RETREG1: variants seen among roughly 807,000 people sequenced by gnomAD.
The protein encoded by RETREG1 is family with sequence similarity 134 member B.
Under a neutral mutation model 54.8 loss-of-function variants are expected in RETREG1, and 44 were observed. The ratio of observed to expected loss-of-function variants is 0.80; its 90% CI spans 0.63 to 1.03. The LOEUF (loss-of-function observed/expected upper bound fraction) is 1.03. Ranked by LOEUF, RETREG1 falls within the 50% of genes least tolerant of loss-of-function variation. The pLI, the probability that RETREG1 is intolerant of heterozygous loss-of-function variation, is 0.00. For missense variants in RETREG1, 554 were observed against 605.1 expected (o/e 0.92, Z 0.89); for synonymous variants, 217 against 238.5 (o/e 0.91, Z 0.83).
rs1378689804 is a variant in RETREG1 at position 16,561,050 on chromosome 5, C to T, written c.458+4713G>A. On this transcript the variant is annotated intron_variant, in intron 3 of 8. Transcript: ENST00000306320. This position sits in a 1 kb window ranked among gnomAD's most constrained non-coding sequence, Gnocchi z 4.2. ...GCTGTATGGGGTACTTGCAACAGTT[C>T]ACTTGTACCTCCCATTAACCAGATG... Among the ~76,000 whole-genome samples the T allele has an allele frequency of 6.6e-6, 1 of 152,132 alleles. No individual in the cohort carries two copies. Among genetic ancestry groups the T allele is most frequent in the Non-Finnish European group, 1.5e-5 (1 of 68,036 alleles).
At chr5:16,499,662 A>G (rs1739621259) in intron 3 of RETREG1, among the ~76,000 whole-genome samples, 1 of 152,186 alleles carries the variant, frequency 6.6e-6, no homozygotes, top group African/African-American at 2.4e-5. Flanking sequence ...GCCATTCCTG[A>G]TGGTAATTAC....
intron 3 of RETREG1, among the ~76,000 whole-genome samples, chr5:16,540,522 G>A (rs942607940): frequency 1.3e-5 from 2 of 152,180 alleles, no homozygotes; most frequent in African/African-American, 4.8e-5. Context: ...ACATACCAGT[G>A]AATGATTCAC....
intron 2 of RETREG1, among the ~76,000 whole-genome samples, chr5:16,566,283 T>A (rs1742011068): frequency 6.6e-6 from 1 of 152,166 alleles, no homozygotes; most frequent in South Asian, 2.1e-4. Context: ...ACAACTGTTA[T>A]TTGAAAAAAG....
At chr5:16,556,623 GA>G (rs1239490116) in intron 3 of RETREG1, among the ~76,000 whole-genome samples, 1 of 152,062 alleles carries the variant, frequency 6.6e-6, no homozygotes, top group Non-Finnish European at 1.5e-5. Context: ...AGGGAGTTCT[GA>G]GTATTACATC....
chr5:16,508,552 A>C, intron 3 of RETREG1: 1 of 1,597,802 alleles, frequency 6.3e-7, no homozygotes, highest in Non-Finnish European at 8.6e-7. Flanking sequence ...CTGAAGAATA[A>C]GTACGTACGT....
intron 3 of RETREG1, among the ~76,000 whole-genome samples, chr5:16,564,607 C>T (rs1741957510): frequency 6.6e-6 from 1 of 152,208 alleles, no homozygotes; most frequent in African/African-American, 2.4e-5. Flanking sequence ...CAGGGCAAGA[C>T]AAATGCCTAC....
intron 3 of RETREG1, among the ~76,000 whole-genome samples, chr5:16,512,043 G>C (rs1458420927): frequency 6.6e-6 from 1 of 152,098 alleles, no homozygotes; most frequent in Non-Finnish European, 1.5e-5. Context: ...CTACACAATC[G>C]ACAAGTGTCC....
chr5:16,545,344 A>G (rs1375363924), intron 3 of RETREG1, among the ~76,000 whole-genome samples: 2 of 152,156 alleles, frequency 1.3e-5, no homozygotes, highest in Admixed American at 6.5e-5. Flanking sequence ...GGGATATGGT[A>G]GAATGCTGAG....
At chr5:16,477,536 A>T in intron 8 of RETREG1, 126 bp downstream of exon 8, 5 of 922,164 alleles carry the variant, frequency 5.4e-6, no homozygotes, top group Non-Finnish European at 8.4e-6. Context: ...TCATTTTTAT[A>T]GCCAAGTAAT....
chr5:16,557,551 T>A (rs1487601405), intron 3 of RETREG1, among the ~76,000 whole-genome samples: 1 of 152,234 alleles, frequency 6.6e-6, no homozygotes, highest in Non-Finnish European at 1.5e-5. Flanking sequence ...TGTCAGTCAA[T>A]GAATGGATCT....
At chr5:16,517,288 C>T (rs1740391599) in intron 3 of RETREG1, among the ~76,000 whole-genome samples, 1 of 152,164 alleles carries the variant, frequency 6.6e-6, no homozygotes, top group Non-Finnish European at 1.5e-5. Flanking sequence ...GACCTGAACA[C>T]TCTTGAAGCA....
Position 16,516,587 on chromosome 5 carries a change from C to T in RETREG1, c.459-33115G>A, listed in dbSNP as rs139414184. Among the ~76,000 whole-genome samples, 63 of 152,230 alleles carry T rather than the reference C, an allele frequency of 4.1e-4. No individual in the cohort carries two copies. The East Asian group carries it at 0.011, about 27-fold the overall frequency. ...TGGTACAAGTGAAGTCTGAGAATTG[C>T]GGGGTAAATTATCACCTTGAAGCCA... On this transcript the variant is annotated intron_variant, in intron 3 of 8. Transcript: ENST00000306320.
chr5:16,608,714 A>G (rs1458761698), intron 1 of RETREG1, among the ~76,000 whole-genome samples: 1 of 152,094 alleles, frequency 6.6e-6, no homozygotes, highest in Non-Finnish European at 1.5e-5. Flanking sequence ...CTGGGTAGGG[A>G]GCAGACACTC....
Position 16,477,754 on chromosome 5 carries a change from A to T in RETREG1, c.908T>A (p.Val303Glu). 1 of 1,613,454 alleles carries T rather than the reference A, an allele frequency of 6.2e-7. No individual in the cohort carries two copies. Among genetic ancestry groups the T allele is most frequent in the Non-Finnish European group, 8.5e-7 (1 of 1,179,558 alleles). ...SLTVAAKELS[V>E]SDTDVSEVSW... is the part of the protein sequence containing the mutation. ...TACCTCTGAGACGTCTGTGTCAGAC[A>T]CAGATAACTCTTTGGCAGCAACCGT... The change falls in exon 8 of 9, where the codon GTG becomes GAG. Residue 303 changes from valine (V) to glutamate (E), a missense_variant. Physicochemically the swap from Val to Glu is moderately radical, Grantham distance 121. Transcript: ENST00000306320.
intron 1 of RETREG1, among the ~76,000 whole-genome samples, chr5:16,604,746 G>C (rs1225862721): frequency 1.3e-5 from 2 of 152,166 alleles, no homozygotes; most frequent in East Asian, 1.9e-4. Context: ...TTTCACTTAG[G>C]TATTGCCTTT....
rs1304876494 is a variant in RETREG1, at chr5:16,593,860, C to T, written c.321-21758G>A. On this transcript the variant is annotated intron_variant, in intron 1 of 8. Coordinates refer to ENST00000306320, the MANE Select transcript of RETREG1 (RefSeq NM_001034850.3). This position sits in a 1 kb window ranked among gnomAD's most constrained non-coding sequence, Gnocchi z 4.9. ...AGAGGAGCTGCAGCAGATGCACCTC[C>T]GTCAAATCTAAGCAGCCATGTTTAC... Among the ~76,000 whole-genome samples the T allele has an allele frequency of 2.6e-5, 4 of 152,196 alleles. No individual in the cohort carries two copies. Among genetic ancestry groups the T allele is most frequent in the South Asian group, 2.1e-4 (1 of 4,832 alleles).
At chr5:16,478,810 T>G in intron 6 of RETREG1, 40 bp downstream of exon 6, 4 of 1,589,808 alleles carry the variant, frequency 2.5e-6, no homozygotes, top group Non-Finnish European at 3.4e-6. Context: ...CGCTAATGTC[T>G]CATTTCATGC....
At chr5:16,587,240 A>G (rs569968654) in intron 1 of RETREG1, among the ~76,000 whole-genome samples, 128 of 152,352 alleles carry the variant, frequency 8.4e-4, no homozygotes, top group African/African-American at 2.9e-3. Flanking sequence ...CACTACAGAA[A>G]AAAAGTTGAT....
At position 16,545,062 on chromosome 5, in the gene RETREG1, C is replaced by G. The variant is rs576584011; in HGVS notation, c.458+20701G>C. ...AGGCTTCAAATCAATTAAAAATAAGCTTTGAATAACAGCAAAGCAACACAT... is the reference window on the plus strand; with the variant it reads ...AGGCTTCAAATCAATTAAAAATAAGGTTTGAATAACAGCAAAGCAACACAT... On this transcript the variant is annotated intron_variant, in intron 3 of 8. Coordinates refer to ENST00000306320, the MANE Select transcript of RETREG1 (RefSeq NM_001034850.3). Among the ~76,000 whole-genome samples the G allele has an allele frequency of 6.6e-5, 10 of 152,220 alleles. No homozygotes were observed. In the East Asian group the frequency reaches 1.9e-3, roughly 29 times the overall value.
Sources: allele counts gnomAD v4.1 joint callset (sites outside exome capture counted in the v4.1 genomes callset), GRCh38; gene constraint gnomAD v4.1.1; non-coding constraint Gnocchi (gnomAD v3.1); transcripts MANE v1.5; gene names NCBI Gene and HGNC (gene_info 2026-07-23, HGNC 2026-07-21).